SPOCK3: variants seen among roughly 807,000 people sequenced by gnomAD.
SPOCK3 encodes the protein SPARC (osteonectin), cwcv and kazal like domains proteoglycan 3, also known as testican-3.
SPOCK3 carries 30 observed loss-of-function variants against 56.6 expected under a neutral mutation model. The observed-to-expected ratio is 0.53, with a 90% CI of 0.40 to 0.72. The LOEUF is 0.72. SPOCK3 is among the 30% of genes least tolerant of loss of function. The probability of loss-of-function intolerance (pLI) is 0.00; values close to 1 mark genes in which losing one functional copy is unlikely to be tolerated. For synonymous variants in SPOCK3, 196 were observed against 183.3 expected (o/e 1.07, Z -0.56); for missense variants, 527 against 530.0 (o/e 0.99, Z 0.06).
rs145236067 is a variant in SPOCK3, at chr4:166,837,477, T to A, written c.590-45188A>T. On this transcript the variant is annotated intron_variant, in intron 6 of 10. Transcript: ENST00000357545. ...AGCCACCACACCTGGCCTGTATAGC[T>A]TTTTACTGCTTGCTCTAGCCATTAC... Among the ~76,000 whole-genome samples the A allele has an allele frequency of 2.8e-3, 432 of 152,232 alleles. 2 individuals carry two copies. The highest frequency in any genetic ancestry group is 4.2e-3 in the Non-Finnish European group (285 of 68,012).
intron 9 of SPOCK3, among the ~76,000 whole-genome samples, chr4:166,739,877 T>C: frequency 6.6e-6 from 1 of 152,186 alleles, no homozygotes; most frequent in East Asian, 1.9e-4. Flanking sequence ...TAAAAAACTA[T>C]AATTTATTCA....
chr4:166,945,623 T>C (rs892659808), intron 4 of SPOCK3, among the ~76,000 whole-genome samples: 1 of 152,188 alleles, frequency 6.6e-6, no homozygotes, highest in Non-Finnish European at 1.5e-5. Flanking sequence ...CTGTGTCCTG[T>C]GCAGGTACCC....
rs554759153 is a variant in SPOCK3 at position 166,909,523 on chromosome 4, TA to T, written c.474+3096del. Among the ~76,000 whole-genome samples, 224 of 151,144 alleles carry T rather than the reference TA, an allele frequency of 1.5e-3. 1 individual carries two copies. Among genetic ancestry groups the T allele is most frequent in the African/African-American group, 5.0e-3 (207 of 41,258 alleles). ...CTTGTAGGAATATTATTTGTAGTATTAAAAAAAAACCATTTGTATCAATGCA... is the reference window on the plus strand; with the variant it reads ...CTTGTAGGAATATTATTTGTAGTATTAAAAAAAACCATTTGTATCAATGCA... On this transcript the variant is annotated intron_variant, in intron 5 of 10. Transcript: ENST00000357545.
In SPOCK3 at chr4:166,989,868, A is replaced by T. The variant is rs1326738986; in HGVS notation, c.350+10481T>A. Among the ~76,000 whole-genome samples the T allele has an allele frequency of 4.6e-5, 7 of 152,294 alleles. No homozygotes were observed. The East Asian group carries it at 1.3e-3, about 29-fold the overall frequency. ...CAATGAGGCTATTTCTTGGATGATC[A>T]TTCCTATGGTGATTCTGGAAATAAA... On this transcript the variant is annotated intron_variant, in intron 4 of 10. Transcript: ENST00000357545.
chr4:167,116,909 G>GTATATATCTATATATA, intron 2 of SPOCK3, among the ~76,000 whole-genome samples: 1 of 123,514 alleles, frequency 8.1e-6, no homozygotes, highest in South Asian at 2.6e-4. Context: ...TTGTGTGTGT[G>GTATATATCTATATATA]TGTGTATATA....
At chr4:166,978,176 GC>G (rs1746164395) in intron 4 of SPOCK3, among the ~76,000 whole-genome samples, 1 of 152,148 alleles carries the variant, frequency 6.6e-6, no homozygotes, top group Admixed American at 6.5e-5. Flanking sequence ...AAACAGTTGA[GC>G]TCTTATACTC....
At chr4:167,051,049 C>A (rs1223535130) in intron 3 of SPOCK3, among the ~76,000 whole-genome samples, 2 of 152,092 alleles carry the variant, frequency 1.3e-5, no homozygotes, top group Non-Finnish European at 2.9e-5. Context: ...TGCCCCTGAA[C>A]TATATTCCTA....
intron 4 of SPOCK3, among the ~76,000 whole-genome samples, chr4:166,972,797 ATAAG>A (rs1420962686): frequency 2.0e-5 from 3 of 151,750 alleles, no homozygotes; most frequent in Non-Finnish European, 4.4e-5. Context: ...ATATATAACA[ATAAG>A]TAAATTACTA....
chr4:166,742,102 A>G, intron 8 of SPOCK3, 43 bp from the exon 9 acceptor site: 1 of 1,405,538 alleles, frequency 7.1e-7, no homozygotes, highest in Admixed American at 1.7e-5. Context: ...TTCTAGTTAA[A>G]CAAAGAAAGT....
chr4:166,973,486 T>C (rs1418556601), intron 4 of SPOCK3, among the ~76,000 whole-genome samples: 1 of 152,138 alleles, frequency 6.6e-6, no homozygotes, highest in Non-Finnish European at 1.5e-5. Context: ...CTTAGCTAAA[T>C]AGAAAGTACT....
chr4:167,220,043 A>C (rs1379124153), intron 2 of SPOCK3, among the ~76,000 whole-genome samples: 1 of 152,148 alleles, frequency 6.6e-6, no homozygotes, highest in South Asian at 2.1e-4. Flanking sequence ...GATATTCAAC[A>C]TGGAAAACAG....
chr4:166,976,485 C>T (rs1418336977), intron 4 of SPOCK3, among the ~76,000 whole-genome samples: 1 of 152,116 alleles, frequency 6.6e-6, no homozygotes, highest in African/African-American at 2.4e-5. Context: ...CTGAAACTCT[C>T]AGTCTTGACT....
intron 2 of SPOCK3, among the ~76,000 whole-genome samples, chr4:167,177,537 C>T (rs892476429): frequency 1.3e-5 from 2 of 151,982 alleles, no homozygotes; most frequent in Admixed American, 1.3e-4. Flanking sequence ...TTATGGGATT[C>T]AGGCTTAGGC....
chr4:166,897,050 GAC>G (rs1348255526), intron 5 of SPOCK3, among the ~76,000 whole-genome samples: 1 of 152,092 alleles, frequency 6.6e-6, no homozygotes, highest in Non-Finnish European at 1.5e-5. Flanking sequence ...GTTGAGATAT[GAC>G]AGTTTGTCCT....
intron 2 of SPOCK3, among the ~76,000 whole-genome samples, chr4:167,136,012 C>A (rs1421360225): frequency 6.6e-6 from 1 of 152,074 alleles, no homozygotes; most frequent in African/African-American, 2.4e-5. Flanking sequence ...CACCTTTTAG[C>A]TAATGTCCAA....
At chr4:167,011,563 C>T (rs940375349) in intron 3 of SPOCK3, among the ~76,000 whole-genome samples, 1 of 152,026 alleles carries the variant, frequency 6.6e-6, no homozygotes, top group Non-Finnish European at 1.5e-5. Flanking sequence ...ATAACGACAA[C>T]AAAAAGTTTC....
chr4:166,890,428 A>C (rs2127012537), intron 5 of SPOCK3, among the ~76,000 whole-genome samples: 1 of 152,058 alleles, frequency 6.6e-6, no homozygotes, highest in Non-Finnish European at 1.5e-5. Context: ...CCCACGCAGT[A>C]GCTATCATGA....
intron 2 of SPOCK3, among the ~76,000 whole-genome samples, chr4:167,084,431 T>C (rs751663860): frequency 5.3e-5 from 8 of 152,174 alleles, no homozygotes; most frequent in South Asian, 4.1e-4. Context: ...AAGTTCACCA[T>C]TGATACTCAA....
At chr4:167,022,400 T>A (rs959364481) in intron 3 of SPOCK3, among the ~76,000 whole-genome samples, 1 of 152,006 alleles carries the variant, frequency 6.6e-6, no homozygotes, top group African/African-American at 2.4e-5. Flanking sequence ...CATTATAAAC[T>A]GGGTGATTTC....
Sources: gnomAD v4.1 joint callset for allele counts (sites outside exome capture counted in the v4.1 genomes callset) on GRCh38, gnomAD v4.1.1 for gene constraint, MANE v1.5 for transcripts, NCBI Gene and HGNC (gene_info 2026-07-23, HGNC 2026-07-21) for gene names.